The following PHTF1 variants were observed in gnomAD, a reference collection of about 807,000 sequenced individuals.
PHTF1 encodes putative homeodomain transcription factor 1.
PHTF1 carries 88 observed loss-of-function variants against 102.4 expected under a neutral mutation model. The observed-to-expected ratio is 0.86, with a 90% confidence interval of 0.72 to 1.03. PHTF1 has a LOEUF of 1.03. Ranked by LOEUF, PHTF1 falls within the 50% of genes least tolerant of loss-of-function variation. The pLI is 0.00. For synonymous variants in PHTF1, 289 were observed against 305.2 expected, an observed-to-expected ratio of 0.95 and a Z score of 0.55; for missense variants, 814 against 909.5, an observed-to-expected ratio of 0.89 and a Z score of 1.35.
intron 5 of PHTF1, among the ~76,000 whole-genome samples, chr1:113,729,491 AT>A (rs1654322944): frequency 1.3e-5 from 2 of 152,218 alleles, no homozygotes; most frequent in African/African-American, 2.4e-5. Flanking sequence ...GCATGCCTGT[AT>A]CAAAGTATCT....
chr1:113,732,700 G>C (rs1438160452), intron 5 of PHTF1, among the ~76,000 whole-genome samples: 1 of 152,092 alleles, frequency 6.6e-6, no homozygotes, highest in Non-Finnish European at 1.5e-5. Context: ...AGAATATGCA[G>C]TCCAGAAACA....
At chr1:113,733,527 G>T (rs1457432534) in intron 5 of PHTF1, among the ~76,000 whole-genome samples, 1 of 152,068 alleles carries the variant, frequency 6.6e-6, no homozygotes, top group Admixed American at 6.6e-5. Context: ...TAATGTGATC[G>T]TATTAGGAGA....
At chr1:113,732,348 T>C (rs1172062681) in intron 5 of PHTF1, among the ~76,000 whole-genome samples, 1 of 151,986 alleles carries the variant, frequency 6.6e-6, no homozygotes, top group East Asian at 1.9e-4. Context: ...ATACTAAGAT[T>C]TGTTGGGCGT....
At position 113,700,796 on chromosome 1, in the gene PHTF1, G is replaced by A; in HGVS notation, c.2044C>T (p.Gln682Ter). The stretch of plus-strand genomic sequence containing the variant: ...CAATTGACAGGACTGATCAATACCT[G>A]TTCTGTAAGTAATATTGAAACATTG... ...YSNVSILLTE[Q>*]INLYLKMEKK... is the part of the protein sequence containing the mutation. The change falls in exon 16 of 19, where the codon CAG (glutamine) becomes TAG (stop). Residue 682 changes from glutamine (Q) to a stop codon, truncating the protein, a stop_gained and splice_region_variant. Transcript: ENST00000369604. LOFTEE classifies it high-confidence loss of function. The A allele has an allele frequency of 1.2e-6, 2 of 1,613,554 alleles. No individual in the cohort carries two copies. Among genetic ancestry groups the A allele is most frequent in the Non-Finnish European group, 1.7e-6 (2 of 1,179,594 alleles).
At chr1:113,705,843 A>G (rs376800886) in intron 13 of PHTF1, 47 bp downstream of exon 13, 27 of 1,468,456 alleles carry the variant, frequency 1.8e-5, no homozygotes, top group Non-Finnish European at 2.4e-5. Flanking sequence ...TCAATGGAAT[A>G]TCATATACAA....
chr1:113,754,776 A>G (rs2101726383), intron 3 of PHTF1, among the ~76,000 whole-genome samples: 1 of 152,264 alleles, frequency 6.6e-6, no homozygotes, highest in East Asian at 1.9e-4. Context: ...CTACTCAAAA[A>G]CCATTAAAAC....
chr1:113,702,398 A>ACGGCG, intron 15 of PHTF1, among the ~76,000 whole-genome samples: 1 of 152,102 alleles, frequency 6.6e-6, no homozygotes, highest in African/African-American at 2.4e-5. Flanking sequence ...TTACAGTAAT[A>ACGGCG]ACATTAAGTT....
chr1:113,715,656 A>AAAAAAAAAAAAAAAAAAG, intron 7 of PHTF1, among the ~76,000 whole-genome samples: 1 of 144,028 alleles, frequency 6.9e-6, no homozygotes, highest in Non-Finnish European at 1.5e-5. Flanking sequence ...CTCAAAAAAA[A>AAAAAAAAAAAAAAAAAAG]AAAAAAAAAA....
Position 113,721,838 on chromosome 1 carries a change from C to T in PHTF1, c.623+2921G>A, listed in dbSNP as rs896231584. On this transcript the variant is annotated intron_variant, in intron 7 of 18. Coordinates refer to ENST00000369604, the MANE Select transcript of PHTF1 (RefSeq NM_001323043.2). The stretch of plus-strand genomic sequence containing the variant: ...CCAAGTAGCTGGGACTACAGGTGCC[C>T]GCCACCACGCCCGGCTAATTTTTTT... Among the ~76,000 whole-genome samples, 14 of 151,950 alleles carry T rather than the reference C, an allele frequency of 9.2e-5. No individual in the cohort carries two copies. In the East Asian group the frequency reaches 1.2e-3, roughly 13 times the overall value.
At chr1:113,698,143 C>T in intron 18 of PHTF1, 119 bp downstream of exon 18, 3 of 728,804 alleles carry the variant, frequency 4.1e-6, no homozygotes, top group Non-Finnish European at 6.4e-6. Flanking sequence ...GAGTTATTTG[C>T]ATGCTAGAAA....
intron 7 of PHTF1, chr1:113,714,528 G>A (rs1651657024): frequency 6.6e-6 from 1 of 152,526 alleles, no homozygotes; most frequent in South Asian, 2.1e-4. Flanking sequence ...CGGTGGCCAT[G>A]GGGAGAGATT....
intron 3 of PHTF1, among the ~76,000 whole-genome samples, chr1:113,741,414 T>C (rs1557960939): frequency 6.6e-6 from 1 of 152,240 alleles, no homozygotes; most frequent in Non-Finnish European, 1.5e-5. Context: ...ATAACAATTA[T>C]CTTGTGTACT....
rs1651076298 is a variant in PHTF1 at position 113,711,436 on chromosome 1, C to A, written c.1047+310G>T. ...AAAATCTGTCTTCATCAGCATCAAT[C>A]CAATTTATGATGTTTAAAAATAAAC... On this transcript the variant is annotated intron_variant, in intron 10 of 18. Transcript: ENST00000369604. Among the ~76,000 whole-genome samples the A allele has an allele frequency of 2.0e-5, 3 of 152,160 alleles. No individual in the cohort carries two copies. The South Asian group carries it at 6.2e-4, about 32-fold the overall frequency.
At chr1:113,704,837 A>G in intron 13 of PHTF1, 40 bp from the exon 14 acceptor site, 1 of 1,385,736 alleles carries the variant, frequency 7.2e-7, no homozygotes, top group Non-Finnish European at 1.0e-6. Context: ...AAATGTATGT[A>G]TGTGTCTGTG....
In PHTF1 at chr1:113,711,754, A is replaced by AG; in HGVS notation, c.1038dup (p.Phe347LeufsTer6). ...TCAAAGGGATACTTTACCTGGCTGAAGGCTGCTGATTCAAATTCTGATTCA... is the reference window on the plus strand; with the variant it reads ...TCAAAGGGATACTTTACCTGGCTGAAGGGCTGCTGATTCAAATTCTGATTCA... On this transcript the variant is annotated frameshift_variant, in exon 10 of 19. Coordinates refer to ENST00000369604, the MANE Select transcript of PHTF1 (RefSeq NM_001323043.2). LOFTEE classifies it high-confidence loss of function. 2 of 1,611,724 alleles carry AG rather than the reference A, an allele frequency of 1.2e-6. No homozygotes were observed. Among genetic ancestry groups the AG allele is most frequent in the Non-Finnish European group, 1.7e-6 (2 of 1,177,798 alleles).
chr1:113,739,717 GCTAT>G lies in PHTF1; in HGVS notation c.103-922_103-919del, dbSNP rs1656054862. The stretch of plus-strand genomic sequence containing the variant: ...TTTTGTATTTGTTAACCAACCGTTG[GCTAT>G]CTGTCATTGCCTCCCTCTTATACTT... On this transcript the variant is annotated intron_variant, in intron 3 of 18. Transcript: ENST00000369604. Among the ~76,000 whole-genome samples the G allele has an allele frequency of 2.0e-5, 3 of 152,162 alleles. No individual in the cohort carries two copies. The South Asian group carries it at 6.2e-4, about 32-fold the overall frequency.
At chr1:113,750,844 C>CAAAA in intron 3 of PHTF1, among the ~76,000 whole-genome samples, 1 of 90,506 alleles carries the variant, frequency 1.1e-5, no homozygotes, top group East Asian at 2.6e-4. Context: ...ACTCTGTCTC[C>CAAAA]AAAAAAAAAA....
At chr1:113,736,245 G>A (rs888479273) in intron 5 of PHTF1, among the ~76,000 whole-genome samples, 9 of 151,710 alleles carry the variant, frequency 5.9e-5, no homozygotes, top group South Asian at 2.1e-4. Flanking sequence ...GGGAGGCTGA[G>A]GCAAGGGAAT....
chr1:113,746,744 T>A (rs1191422113), intron 3 of PHTF1: 1 of 223,960 alleles, frequency 4.5e-6, no homozygotes, highest in East Asian at 1.8e-4. Flanking sequence ...TCATTTAATG[T>A]ATTATTTGGT....
Sources: gnomAD v4.1 joint callset for allele counts (sites outside exome capture counted in the v4.1 genomes callset) on GRCh38, gnomAD v4.1.1 for gene constraint, MANE v1.5 for transcripts, NCBI Gene and HGNC (gene_info 2026-07-23, HGNC 2026-07-21) for gene names.